GRAP2: variants seen among roughly 807,000 people sequenced by gnomAD.
The protein encoded by GRAP2 is GRB2 related adaptor protein 2, also known as GRB2-related adapter protein 2.
GRAP2 carries 31 observed loss-of-function variants against 43.5 expected under a neutral mutation model. The observed-to-expected ratio is 0.71, with a 90% CI of 0.54 to 0.96. The LOEUF (loss-of-function observed/expected upper bound fraction) is 0.96, where lower values mean the gene tolerates loss of function less well. Ranked by LOEUF, GRAP2 falls within the 40% of genes least tolerant of loss-of-function variation. The pLI is 0.00. For missense variants in GRAP2, 371 were observed against 424.4 expected (o/e 0.87, Z 1.11); for synonymous variants, 156 against 164.8 (o/e 0.95, Z 0.41).
upstream of GRAP2, among the ~76,000 whole-genome samples, chr22:39,899,298 A>G (rs2066477911): frequency 6.6e-6 from 1 of 152,210 alleles, no homozygotes; most frequent in African/African-American, 2.4e-5. Context: ...TCATTAGGGT[A>G]CAAGCTGAAA....
chr22:39,920,098 C>T (rs531421623), intron 1 of GRAP2, among the ~76,000 whole-genome samples: 9 of 152,202 alleles, frequency 5.9e-5, no homozygotes, highest in Non-Finnish European at 7.3e-5. Flanking sequence ...AGCAGTTCTT[C>T]CCCTTGCCCT....
At chr22:39,966,689 T>C (rs1392726376) in intron 5 of GRAP2, among the ~76,000 whole-genome samples, 3 of 152,128 alleles carry the variant, frequency 2.0e-5, no homozygotes, top group Non-Finnish European at 4.4e-5. Context: ...AAACTGCACT[T>C]GGAATTATTG....
At chr22:39,944,987 G>T (rs2066907522) in intron 1 of GRAP2, among the ~76,000 whole-genome samples, 1 of 152,190 alleles carries the variant, frequency 6.6e-6, no homozygotes, top group Non-Finnish European at 1.5e-5. Flanking sequence ...CCATGAGGAT[G>T]ACCCACAGAA....
chr22:39,935,166 T>C (rs190928744), intron 1 of GRAP2, among the ~76,000 whole-genome samples: 1 of 152,324 alleles, frequency 6.6e-6, no homozygotes, highest in African/African-American at 2.4e-5. Flanking sequence ...GGATTTGTGA[T>C]TCTCATTTTC....
At chr22:39,907,008 T>TA (rs1273215626) in intron 1 of GRAP2, among the ~76,000 whole-genome samples, 1 of 152,190 alleles carries the variant, frequency 6.6e-6, no homozygotes, top group Non-Finnish European at 1.5e-5. Flanking sequence ...AAACAAAATG[T>TA]AAAGTCTGAT....
upstream of GRAP2, among the ~76,000 whole-genome samples, chr22:39,898,110 A>G (rs2066473008): frequency 6.6e-6 from 1 of 152,162 alleles, no homozygotes; most frequent in South Asian, 2.1e-4. Context: ...TGCACTTGCT[A>G]GTCCCTATAC....
At chr22:39,913,165 C>A (rs2066579348) in intron 1 of GRAP2, among the ~76,000 whole-genome samples, 1 of 147,444 alleles carries the variant, frequency 6.8e-6, no homozygotes, top group African/African-American at 2.5e-5. Flanking sequence ...TGCACTACAG[C>A]CTGGGTGACA....
chr22:39,916,113 A>C (rs1284442794), intron 1 of GRAP2, among the ~76,000 whole-genome samples: 6 of 152,196 alleles, frequency 3.9e-5, no homozygotes, highest in Non-Finnish European at 5.9e-5. Context: ...AGATTAAGTG[A>C]ATCTCTTTCT....
intron 1 of GRAP2, among the ~76,000 whole-genome samples, chr22:39,939,232 G>A (rs1458279768): frequency 6.6e-6 from 1 of 152,218 alleles, no homozygotes; most frequent in Non-Finnish European, 1.5e-5. Flanking sequence ...GTCCTCTTGA[G>A]AAGGCTGTTT....
upstream of GRAP2, among the ~76,000 whole-genome samples, chr22:39,897,340 G>C (rs2066469691): frequency 6.6e-6 from 1 of 152,066 alleles, no homozygotes; most frequent in South Asian, 2.1e-4. Flanking sequence ...TGGCTACCCA[G>C]TCTAGATAAT....
At chr22:39,904,501 T>C (rs2066511364) in intron 1 of GRAP2, among the ~76,000 whole-genome samples, 1 of 152,258 alleles carries the variant, frequency 6.6e-6, no homozygotes, top group Non-Finnish European at 1.5e-5. Flanking sequence ...AATTGCTAAC[T>C]CTTTGCCGTA....
chr22:39,947,327 T>C (rs2066933633), intron 2 of GRAP2, 143 bp downstream of exon 2: 1 of 630,950 alleles, frequency 1.6e-6, no homozygotes, highest in East Asian at 2.8e-5. Context: ...TGCACCCTTA[T>C]ACCAGACACC....
At chr22:39,895,102 T>A in the GRAP2 span, among the ~76,000 whole-genome samples, 2 of 152,188 alleles carry the variant, frequency 1.3e-5, no homozygotes, top group Non-Finnish European at 2.9e-5. Context: ...AGAGGAAGGT[T>A]AAATAACAGA....
At chr22:39,916,870 AT>A (rs374751496) in intron 1 of GRAP2, among the ~76,000 whole-genome samples, 2,667 of 150,310 alleles carry the variant, frequency 0.018, 81 homozygotes, top group African/African-American at 0.06. Flanking sequence ...TTGGCAGGTG[AT>A]TTTTTTTTTC....
intron 4 of GRAP2, chr22:39,964,192 G>T: frequency 3.8e-6 from 2 of 533,306 alleles, no homozygotes; most frequent in Non-Finnish European, 6.6e-6. Flanking sequence ...ACTTGGCAAT[G>T]AAGTAAAACT....
At chr22:39,928,069 T>C (rs529398437) in intron 1 of GRAP2, among the ~76,000 whole-genome samples, 35 of 152,284 alleles carry the variant, frequency 2.3e-4, no homozygotes, top group African/African-American at 7.7e-4. Flanking sequence ...GCGACCATTT[T>C]CCTCCTTCGG....
chr22:39,920,943 G>GACACACACACAC (rs137974), intron 1 of GRAP2, among the ~76,000 whole-genome samples: 27 of 142,584 alleles, frequency 1.9e-4, no homozygotes, highest in African/African-American at 1.8e-4. Flanking sequence ...TCTCTACACA[G>GACACACACACAC]ACACACACAC....
chr22:39,935,253 A>T (rs1019661809), intron 1 of GRAP2, among the ~76,000 whole-genome samples: 1 of 152,100 alleles, frequency 6.6e-6, no homozygotes, highest in Non-Finnish European at 1.5e-5. Context: ...CAGAATTCAG[A>T]TGAAAGAGCT....
chr22:39,899,882 A>T (rs1035014289), upstream of GRAP2, among the ~76,000 whole-genome samples: 5 of 152,152 alleles, frequency 3.3e-5, no homozygotes, highest in Non-Finnish European at 7.4e-5. Context: ...GCTACTTGGG[A>T]GGCTGAAGCA....
Sources: allele counts gnomAD v4.1 joint callset (sites outside exome capture counted in the v4.1 genomes callset), GRCh38; gene constraint gnomAD v4.1.1; transcripts MANE v1.5; gene names NCBI Gene and HGNC (gene_info 2026-07-23, HGNC 2026-07-21).